Variants in RALYL observed in about 807,000 individuals in gnomAD.
The protein encoded by RALYL is RALY RNA binding protein like.
A neutral mutation model predicts 35.1 loss-of-function variants in RALYL; 29 were observed. That is an observed-to-expected ratio of 0.83 (90% CI 0.61 to 1.13). RALYL has a LOEUF of 1.13. RALYL is among the 50% of genes most tolerant of loss of function. The pLI is 0.00. For missense variants in RALYL, 359 were observed against 360.4 expected (o/e 1.00, Z 0.03); for synonymous variants, 120 against 127.6 (o/e 0.94, Z 0.40).
chr8:84,380,135 C>T (rs760781353), intron 1 of RALYL, among the ~76,000 whole-genome samples: 6 of 151,202 alleles, frequency 4.0e-5, no homozygotes, highest in Non-Finnish European at 8.9e-5. Context: ...GGTTTCAGAC[C>T]TGTGTTGGAA....
chr8:84,615,712 A>T (rs1474801787), intron 2 of RALYL, among the ~76,000 whole-genome samples: 1 of 137,890 alleles, frequency 7.3e-6, no homozygotes, highest in Non-Finnish European at 1.5e-5. Flanking sequence ...GTCATCTAGC[A>T]TTAGGTATAT....
intron 2 of RALYL, among the ~76,000 whole-genome samples, chr8:84,702,493 T>A (rs1264169007): frequency 1.3e-5 from 2 of 151,876 alleles, no homozygotes; most frequent in African/African-American, 4.8e-5. Context: ...TGACATAATG[T>A]ATATTTAGCA....
rs368807463 is a variant in RALYL, at chr8:84,363,198, T to C, written c.-23-166101T>C. 1.1e-3 allele frequency among the ~76,000 whole-genome samples: 168 copies of C among 152,242 alleles called. 5 individuals carry two copies. The South Asian group carries it at 0.033, about 30-fold the overall frequency. On this transcript the variant is annotated intron_variant, in intron 1 of 8. Transcript: ENST00000521268. ...CAAACAAGAAACCTTGAGAAAATAC[T>C]CAAAGCCCCTACAACAAACTGGAAG...
At chr8:84,913,054 A>AGAT in intron 8 of RALYL, among the ~76,000 whole-genome samples, 1 of 151,246 alleles carries the variant, frequency 6.6e-6, no homozygotes, top group African/African-American at 2.4e-5. Flanking sequence ...ATAGATAGAT[A>AGAT]GATAGATAGA....
intron 2 of RALYL, among the ~76,000 whole-genome samples, chr8:84,656,631 A>G (rs990565906): frequency 2.0e-5 from 3 of 152,160 alleles, no homozygotes; most frequent in African/African-American, 7.2e-5. Context: ...TTCCAGGTCC[A>G]ACATTTTATT....
At chr8:84,617,120 T>C (rs1364946785) in intron 2 of RALYL, among the ~76,000 whole-genome samples, 1 of 150,734 alleles carries the variant, frequency 6.6e-6, no homozygotes, top group African/African-American at 2.5e-5. Flanking sequence ...TTTTTCCAAT[T>C]CTGTGAAGAA....
intron 1 of RALYL, among the ~76,000 whole-genome samples, chr8:84,383,481 T>C (rs913791489): frequency 2.0e-5 from 3 of 151,678 alleles, no homozygotes; most frequent in East Asian, 1.9e-4. Flanking sequence ...CCAGAGCTTA[T>C]TAAAAAAGAA....
chr8:84,259,062 T>C (rs753522374), intron 1 of RALYL, among the ~76,000 whole-genome samples: 13 of 152,168 alleles, frequency 8.5e-5, no homozygotes, highest in Non-Finnish European at 1.8e-4. Flanking sequence ...GTGGCCTAAG[T>C]CTTAGCTCAT....
At chr8:84,306,158 C>G (rs1227358634) in intron 1 of RALYL, among the ~76,000 whole-genome samples, 1 of 149,544 alleles carries the variant, frequency 6.7e-6, no homozygotes, top group Non-Finnish European at 1.5e-5. Context: ...AGCGAGACTC[C>G]GTCTAAAAAA....
chr8:84,446,827 G>A (rs944840994), intron 1 of RALYL, among the ~76,000 whole-genome samples: 2 of 152,032 alleles, frequency 1.3e-5, no homozygotes, highest in African/African-American at 4.8e-5. Context: ...TTATAAATAA[G>A]CTTGATTCTC....
intron 2 of RALYL, among the ~76,000 whole-genome samples, chr8:84,761,218 A>G (rs1411293591): frequency 6.6e-6 from 1 of 152,068 alleles, no homozygotes; most frequent in East Asian, 1.9e-4. Flanking sequence ...AGAGTCAACA[A>G]TGTCAAAACT....
intron 1 of RALYL, among the ~76,000 whole-genome samples, chr8:84,443,330 C>A (rs946868008): frequency 6.6e-6 from 1 of 152,042 alleles, no homozygotes; most frequent in Non-Finnish European, 1.5e-5. Flanking sequence ...ATCATTGACC[C>A]TAGTTACGTA....
chr8:84,670,251 C>T (rs1017133808), intron 2 of RALYL, among the ~76,000 whole-genome samples: 1 of 152,136 alleles, frequency 6.6e-6, no homozygotes, highest in African/African-American at 2.4e-5. Context: ...TGAAGGACTT[C>T]AAAGCTCTTT....
intron 1 of RALYL, among the ~76,000 whole-genome samples, chr8:84,408,585 A>C: frequency 6.6e-6 from 1 of 152,154 alleles, no homozygotes; most frequent in Middle Eastern, 3.2e-3. Flanking sequence ...ATAAGTGTCC[A>C]TGGACGCTCT....
chr8:84,259,144 A>C (rs2131782484), intron 1 of RALYL, among the ~76,000 whole-genome samples: 1 of 152,272 alleles, frequency 6.6e-6, no homozygotes, highest in East Asian at 1.9e-4. Flanking sequence ...CTCTGGAGGA[A>C]AGAAATAGGG....
At chr8:84,736,462 G>A (rs573139146) in intron 2 of RALYL, among the ~76,000 whole-genome samples, 2 of 152,140 alleles carry the variant, frequency 1.3e-5, no homozygotes, top group East Asian at 1.9e-4. Context: ...CTTAGAGGTT[G>A]AAAAAGTTTC....
intron 2 of RALYL, among the ~76,000 whole-genome samples, chr8:84,687,974 C>A (rs1262249290): frequency 1.3e-5 from 2 of 151,910 alleles, no homozygotes; most frequent in Non-Finnish European, 2.9e-5. Context: ...AGATAATATA[C>A]TCATAATCAG....
intron 1 of RALYL, among the ~76,000 whole-genome samples, chr8:84,391,521 C>G (rs1860695587): frequency 6.6e-6 from 1 of 151,986 alleles, no homozygotes; most frequent in Admixed American, 6.6e-5. Context: ...CTTTTCAGTT[C>G]ATTGTACTAT....
At chr8:84,744,207 A>G (rs552206619) in intron 2 of RALYL, among the ~76,000 whole-genome samples, 8 of 152,124 alleles carry the variant, frequency 5.3e-5, no homozygotes, top group African/African-American at 1.9e-4. Context: ...GGAAGCAAAC[A>G]TTTGCTTAGC....
Sources: gnomAD v4.1 joint callset for allele counts (sites outside exome capture counted in the v4.1 genomes callset) on GRCh38, gnomAD v4.1.1 for gene constraint, MANE v1.5 for transcripts, NCBI Gene and HGNC (gene_info 2026-07-23, HGNC 2026-07-21) for gene names.